AGBL4: variants seen among roughly 807,000 people sequenced by gnomAD.
AGBL4 encodes the protein cytosolic carboxypeptidase 6.
A neutral mutation model predicts 66.4 loss-of-function variants in AGBL4; 58 were observed. The observed-to-expected ratio is 0.87, with a 90% CI of 0.71 to 1.09. The LOEUF is 1.09. Among genes scored for constraint, AGBL4 ranks in the 50% least tolerant of loss-of-function variants. The pLI is 0.00. For missense variants in AGBL4, 579 were observed against 631.0 expected, an observed-to-expected ratio of 0.92 and a Z score of 0.88; for synonymous variants, 234 against 222.9, an observed-to-expected ratio of 1.05 and a Z score of -0.44.
In AGBL4 at chr1:48,575,111, A is replaced by G. The variant is rs189907220; in HGVS notation, c.1267+11893T>C. Among the ~76,000 whole-genome samples, 233 of 152,288 alleles carry G rather than the reference A, an allele frequency of 1.5e-3. 4 individuals are homozygous for G. The highest frequency in any genetic ancestry group is 4.7e-3 in the African/African-American group (194 of 41,564). ...TCATTTTACAAATGGGATCTCGGGCAGGGTAGTGATTTGCTCGAGATCACA... is the reference window on the plus strand; with the variant it reads ...TCATTTTACAAATGGGATCTCGGGCGGGGTAGTGATTTGCTCGAGATCACA... On this transcript the variant is annotated intron_variant, in intron 11 of 13. Transcript: ENST00000371839.
At chr1:49,915,349 G>T (rs999760536) in intron 1 of AGBL4, among the ~76,000 whole-genome samples, 2 of 152,174 alleles carry the variant, frequency 1.3e-5, no homozygotes, top group Non-Finnish European at 2.9e-5. Context: ...GGGAAGCCAT[G>T]ACAGACAGCA....
chr1:49,738,446 G>C (rs1364057871), intron 2 of AGBL4, among the ~76,000 whole-genome samples: 1 of 152,186 alleles, frequency 6.6e-6, no homozygotes, highest in African/African-American at 2.4e-5. Context: ...GCTCAAGGAG[G>C]CCTCCCTGCC....
chr1:49,561,245 T>C (rs930169045), intron 3 of AGBL4, among the ~76,000 whole-genome samples: 1 of 150,162 alleles, frequency 6.7e-6, no homozygotes, highest in Non-Finnish European at 1.5e-5. Flanking sequence ...TTAAGTTTTC[T>C]TTTTAAAAAA....
intron 3 of AGBL4, among the ~76,000 whole-genome samples, chr1:49,504,631 C>T (rs1040800865): frequency 1.3e-5 from 2 of 151,982 alleles, no homozygotes; most frequent in African/African-American, 4.8e-5. Flanking sequence ...AACTTAAAGT[C>T]TATTTTATAT....
In AGBL4 at chr1:49,562,009, G is replaced by A. The variant is rs575720241; in HGVS notation, c.282+135304C>T. On this transcript the variant is annotated intron_variant, in intron 3 of 13. Coordinates refer to ENST00000371839, the MANE Select transcript of AGBL4 (RefSeq NM_032785.4). ...TTTAATGACTGCCATTCTAACTGGT[G>A]TGAGATGGTATCTCATTGTGGTTTT... Among the ~76,000 whole-genome samples the A allele has an allele frequency of 1.4e-3, 207 of 152,202 alleles. 4 individuals are homozygous for A. In the East Asian group the frequency reaches 0.036, roughly 27 times the overall value.
chr1:48,697,439 G>A (rs1010676011), intron 6 of AGBL4, among the ~76,000 whole-genome samples: 8 of 152,164 alleles, frequency 5.3e-5, no homozygotes, highest in Non-Finnish European at 1.2e-4. Context: ...AATTCTGAAG[G>A]GCAGGCATTA....
chr1:49,812,180 C>T (rs966582296), intron 2 of AGBL4, among the ~76,000 whole-genome samples: 18 of 152,150 alleles, frequency 1.2e-4, no homozygotes, highest in African/African-American at 2.7e-4. Flanking sequence ...AGACAAAGCA[C>T]GAATACATTC....
chr1:49,988,232 C>T (rs544251794), intron 1 of AGBL4, among the ~76,000 whole-genome samples: 94 of 152,168 alleles, frequency 6.2e-4, no homozygotes, highest in Non-Finnish European at 8.8e-4. Context: ...TTTAACTTCT[C>T]TAATTATGCT....
At chr1:48,676,937 G>A (rs539708673) in intron 6 of AGBL4, among the ~76,000 whole-genome samples, 1 of 152,212 alleles carries the variant, frequency 6.6e-6, no homozygotes, top group African/African-American at 2.4e-5. Flanking sequence ...CAGCCACAAG[G>A]AGAAGAGGAC....
chr1:49,106,193 C>T (rs140243615), intron 4 of AGBL4, among the ~76,000 whole-genome samples: 21 of 152,244 alleles, frequency 1.4e-4, no homozygotes, highest in East Asian at 1.9e-4. Context: ...ATATCCATAA[C>T]GGGCAGTGAA....
intron 6 of AGBL4, among the ~76,000 whole-genome samples, chr1:48,723,986 G>A (rs575533797): frequency 7.9e-5 from 12 of 152,336 alleles, no homozygotes; most frequent in African/African-American, 2.9e-4. Flanking sequence ...AGCATGCACG[G>A]GGGAAAGCCC....
intron 8 of AGBL4, among the ~76,000 whole-genome samples, chr1:48,640,310 G>T (rs1645733923): frequency 6.6e-6 from 1 of 152,168 alleles, no homozygotes; most frequent in Non-Finnish European, 1.5e-5. Flanking sequence ...TGAACTCCAT[G>T]AGGGCAGGGA....
chr1:49,875,312 C>A (rs1295519559), intron 1 of AGBL4, among the ~76,000 whole-genome samples: 42 of 114,588 alleles, frequency 3.7e-4, no homozygotes, highest in Non-Finnish European at 6.6e-4. Context: ...CCCCCTCCCC[C>A]CTCCACACCA....
intron 2 of AGBL4, among the ~76,000 whole-genome samples, chr1:49,719,017 GC>G (rs1648385817): frequency 6.6e-6 from 1 of 152,030 alleles, no homozygotes; most frequent in Non-Finnish European, 1.5e-5. Flanking sequence ...TAATTGAAAT[GC>G]CCATTAGAAT....
At chr1:49,073,125 T>G (rs1644643112) in intron 4 of AGBL4, among the ~76,000 whole-genome samples, 1 of 152,216 alleles carries the variant, frequency 6.6e-6, no homozygotes, top group Non-Finnish European at 1.5e-5. Context: ...CTACACTGGT[T>G]ATTCTAGTTA....
chr1:48,770,534 T>A (rs1295640149), intron 6 of AGBL4, among the ~76,000 whole-genome samples: 2 of 152,156 alleles, frequency 1.3e-5, no homozygotes, highest in Non-Finnish European at 2.9e-5. Context: ...CTCTGCACTC[T>A]CTCCCACTGT....
chr1:48,910,119 A>G (rs1445678655), intron 5 of AGBL4, among the ~76,000 whole-genome samples: 1 of 152,250 alleles, frequency 6.6e-6, no homozygotes, highest in African/African-American at 2.4e-5. Flanking sequence ...GTCTCAATGT[A>G]TAATACAATA....
chr1:49,414,154 T>C (rs1291466261), intron 3 of AGBL4, among the ~76,000 whole-genome samples: 1 of 152,184 alleles, frequency 6.6e-6, no homozygotes, highest in Non-Finnish European at 1.5e-5. Context: ...TGTGTATGTA[T>C]ACATACGTAT....
chr1:48,954,907 A>G (rs932446171), intron 5 of AGBL4, among the ~76,000 whole-genome samples: 6 of 152,252 alleles, frequency 3.9e-5, no homozygotes, highest in Admixed American at 3.9e-4. Flanking sequence ...AGTGAGAATT[A>G]TATCAGATAA....
Sources: allele counts gnomAD v4.1 joint callset (sites outside exome capture counted in the v4.1 genomes callset), GRCh38; gene constraint gnomAD v4.1.1; transcripts MANE v1.5; gene names NCBI Gene and HGNC (gene_info 2026-07-23, HGNC 2026-07-21).